SCN3A: variants seen among roughly 807,000 people sequenced by gnomAD.
SCN3A encodes sodium voltage-gated channel alpha subunit 3.
SCN3A carries 60 observed loss-of-function variants against 187.6 expected under a neutral mutation model. The observed-to-expected ratio is 0.32, with a 90% confidence interval of 0.26 to 0.40. The LOEUF is 0.40. Among genes scored for constraint, SCN3A ranks in the 10% least tolerant of loss-of-function variants. SCN3A has a pLI of 1.00. For missense variants in SCN3A, 1,601 were observed against 2,428.2 expected, an observed-to-expected ratio of 0.66 and a Z score of 7.16; for synonymous variants, 788 against 829.2, an observed-to-expected ratio of 0.95 and a Z score of 0.85.
intron 2 of SCN3A, among the ~76,000 whole-genome samples, chr2:165,181,596 G>A (rs886682790): frequency 2.6e-5 from 4 of 152,144 alleles, no homozygotes; most frequent in Non-Finnish European, 4.4e-5. Flanking sequence ...TTGAAAGCTC[G>A]AATTTTGACA....
chr2:165,195,925 G>C (rs1210952607), intron 1 of SCN3A, among the ~76,000 whole-genome samples: 1 of 152,050 alleles, frequency 6.6e-6, no homozygotes, highest in Non-Finnish European at 1.5e-5. Flanking sequence ...TTTTCAAAAT[G>C]TTCAAAGTGC....
chr2:165,099,041 A>G (rs1423946904), intron 22 of SCN3A, among the ~76,000 whole-genome samples: 1 of 152,224 alleles, frequency 6.6e-6, no homozygotes, highest in African/African-American at 2.4e-5. Context: ...ATTACAATGT[A>G]AAAACCAAAT....
chr2:165,135,333 T>G (rs1687600878), intron 15 of SCN3A, among the ~76,000 whole-genome samples: 1 of 152,064 alleles, frequency 6.6e-6, no homozygotes, highest in African/African-American at 2.4e-5. Context: ...AACAAGGAAG[T>G]GATGTAATTT....
At position 165,166,902 on chromosome 2, in the gene SCN3A, C is replaced by CTT. The variant is rs144536784; in HGVS notation, c.473+1832_473+1833dup. ...AAGAGAGGCCTGTATATTCAATTGC[C>CTT]TTTTTTTTTTGTTTTGAAACAGAGT... On this transcript the variant is annotated intron_variant, in intron 5 of 27. Coordinates refer to ENST00000283254, the MANE Select transcript of SCN3A (RefSeq NM_006922.4). Among the ~76,000 whole-genome samples, 855 of 148,018 alleles carry CTT rather than the reference C, an allele frequency of 5.8e-3. 13 individuals carry two copies. Among genetic ancestry groups the CTT allele is most frequent in the African/African-American group, 0.019 (750 of 40,410 alleles).
At position 165,146,946 on chromosome 2, in the gene SCN3A, T is replaced by C. The variant is rs1402711053; in HGVS notation, c.1464A>G (p.Ala488=). 6.2e-7 allele frequency: 1 copy of C among 1,614,122 alleles called. No individual in the cohort carries two copies. Among genetic ancestry groups the C allele is most frequent in the Non-Finnish European group, 8.5e-7 (1 of 1,179,962 alleles). Reference sequence around the variant, plus strand: ...TAGCACTTTTGGAACTCAACTTTGATGCTTCTGAAGAACTTTCCAACAGCT... The same window carrying C: ...TAGCACTTTTGGAACTCAACTTTGACGCTTCTGAAGAACTTTCCAACAGCT... ...LGELLESSSE[A]SKLSSKSAKE... Residue 488 remains alanine, a synonymous_variant, in exon 12 of 28, where the codon GCA becomes GCG. Transcript: ENST00000283254.
In SCN3A at chr2:165,197,074, T is replaced by C. The variant is rs1281278784; in HGVS notation, c.-248+6749A>G. 3.9e-5 allele frequency among the ~76,000 whole-genome samples: 6 copies of C among 152,222 alleles called. 1 individual carries two copies. The highest frequency in any genetic ancestry group is 3.4e-3 in the Middle Eastern group (1 of 294). On this transcript the variant is annotated intron_variant, in intron 1 of 27. Coordinates refer to ENST00000283254, the MANE Select transcript of SCN3A (RefSeq NM_006922.4). ...TAGCTGAATCAACTTTCAAATATCA[T>C]TGGGATAATAAATTAACAATTTCAA...
rs531373207 is a variant in SCN3A, at chr2:165,088,486, G to A, written c.*1664C>T. On this transcript the variant is annotated 3_prime_UTR_variant, in exon 28 of 28. Coordinates refer to ENST00000283254, the MANE Select transcript of SCN3A (RefSeq NM_006922.4). ...ATCTATGAATAAAAGGTTATATTGA[G>A]GCAACCATAGTTGGTAGAAAATGAT... 63 of 152,508 alleles carry A rather than the reference G, an allele frequency of 4.1e-4. No individual in the cohort carries two copies. Among genetic ancestry groups the A allele is most frequent in the South Asian group, 2.1e-3 (10 of 4,820 alleles). 9.4% of individuals were successfully genotyped at this position (152,508 alleles called of 1,614,324 possible).
Position 165,115,483 on chromosome 2 carries a change from GTCT to G in SCN3A, c.3483_3485del (p.Glu1161del), listed in dbSNP as rs1553520243. 1.2e-6 allele frequency: 2 copies of G among 1,613,650 alleles called. No individual in the cohort carries two copies. Among genetic ancestry groups the G allele is most frequent in the Non-Finnish European group, 1.7e-6 (2 of 1,179,900 alleles). On this transcript the variant is annotated inframe_deletion, in exon 19 of 28. Transcript: ENST00000283254. Reference sequence around the variant, plus strand: ...CAGTAAAACAAGCTTCCGGTTTAAGGTCTTCTTCGGGTTCAGTTTCAGCTTGTT... The same window carrying G: ...CAGTAAAACAAGCTTCCGGTTTAAGGTCTTCGGGTTCAGTTTCAGCTTGTT...
intron 19 of SCN3A, among the ~76,000 whole-genome samples, chr2:165,115,249 T>C (rs1686309221): frequency 6.7e-6 from 1 of 150,228 alleles, no homozygotes; most frequent in Admixed American, 6.7e-5. Flanking sequence ...TTTTTTTTTG[T>C]AGAGGCAAAG....
chr2:165,093,228 T>C (rs1203252305), intron 26 of SCN3A: 2 of 152,186 alleles, frequency 1.3e-5, no homozygotes, highest in Non-Finnish European at 2.9e-5. Flanking sequence ...CACCAATTCA[T>C]TTATCAATAT....
chr2:165,101,965 A>C (rs764350563), intron 21 of SCN3A, among the ~76,000 whole-genome samples: 23 of 152,200 alleles, frequency 1.5e-4, no homozygotes, highest in Non-Finnish European at 2.8e-4. Flanking sequence ...TGATTGAGCT[A>C]TTCATTTCTG....
Position 165,154,629 on chromosome 2 carries a change from C to A in SCN3A, c.1203G>T (p.Met401Ile), listed in dbSNP as rs758000200. The A allele has an allele frequency of 6.2e-7, 1 of 1,614,068 alleles. No homozygotes were observed. Among genetic ancestry groups the A allele is most frequent in the South Asian group, 1.1e-5 (1 of 91,086 alleles). ...AGAAAATGACCAGGACAAAAAATAT[C>A]ATGTATGTTTTCCCAGCAGCACGTA... The part of the protein sequence containing the change: ...LTLRAAGKTY[M>I]IFFVLVIFLG... Residue 401 changes from methionine (M) to isoleucine (I), a missense_variant, in exon 11 of 28, where the codon ATG becomes ATT. This residue lies in a region of SCN3A where 47 missense variants were observed against 105.8 expected (regional missense o/e 0.44). Transcript: ENST00000283254.
intron 12 of SCN3A, among the ~76,000 whole-genome samples, chr2:165,142,149 C>T (rs1339768120): frequency 6.6e-6 from 1 of 152,176 alleles, no homozygotes; most frequent in Non-Finnish European, 1.5e-5. Flanking sequence ...TCTTCACACC[C>T]AGGGTAATAT....
At chr2:165,107,389 C>T (rs145972361) in intron 21 of SCN3A, among the ~76,000 whole-genome samples, 255 of 152,200 alleles carry the variant, frequency 1.7e-3, no homozygotes, top group African/African-American at 5.6e-3. Context: ...TATCAGAAGA[C>T]ATTTATAGAA....
chr2:165,138,326 A>G (rs1027930826), intron 14 of SCN3A, among the ~76,000 whole-genome samples: 5 of 152,312 alleles, frequency 3.3e-5, no homozygotes, highest in Admixed American at 2.6e-4. Flanking sequence ...TCTCTTTTGA[A>G]TACAGAAAAT....
intron 14 of SCN3A, among the ~76,000 whole-genome samples, chr2:165,138,877 G>T (rs1229471129): frequency 1.3e-5 from 2 of 152,176 alleles, no homozygotes; most frequent in Non-Finnish European, 2.9e-5. Context: ...ACTTCAAGGA[G>T]TGAGGGCTGT....
intron 12 of SCN3A, among the ~76,000 whole-genome samples, chr2:165,141,306 T>C (rs894564756): frequency 6.6e-6 from 1 of 152,200 alleles, no homozygotes; most frequent in Non-Finnish European, 1.5e-5. Context: ...GACCAGATGC[T>C]GAAAAGGATA....
chr2:165,102,111 A>G (rs971293031), intron 21 of SCN3A, among the ~76,000 whole-genome samples: 2 of 152,178 alleles, frequency 1.3e-5, no homozygotes, highest in Admixed American at 6.5e-5. Context: ...CTATCTGAAG[A>G]TTTTTCTCAA....
intron 12 of SCN3A, 34 bp from the exon 13 acceptor site, chr2:165,141,032 G>T: frequency 1.4e-6 from 2 of 1,450,184 alleles, no homozygotes; most frequent in Non-Finnish European, 9.6e-7. Flanking sequence ...GGAATGGGAT[G>T]GGGGTAGGGG....
Sources: gnomAD v4.1 joint callset for allele counts (sites outside exome capture counted in the v4.1 genomes callset) on GRCh38, gnomAD v4.1.1 for gene constraint, gnomAD v4.1.1 regional missense constraint, MANE v1.5 for transcripts, NCBI Gene and HGNC (gene_info 2026-07-23, HGNC 2026-07-21) for gene names.